Variants in SLC35G1 observed in about 807,000 individuals in gnomAD.
The protein encoded by SLC35G1 is solute carrier family 35 member G1.
In SLC35G1, 10 loss-of-function variants were observed where a neutral mutation model predicts 17.1. The observed-to-expected ratio is 0.59, with a 90% CI of 0.36 to 0.99. SLC35G1 has a LOEUF of 0.99. Among genes scored for constraint, SLC35G1 ranks in the 50% least tolerant of loss-of-function variants. SLC35G1 has a pLI of 0.01. For missense variants in SLC35G1, 433 were observed against 468.4 expected, an observed-to-expected ratio of 0.92 and a Z score of 0.70; for synonymous variants, 185 against 181.1, an observed-to-expected ratio of 1.02 and a Z score of -0.18.
chr10:93,907,082 T>C (rs2060433683), downstream of SLC35G1: 1 of 152,150 alleles, frequency 6.6e-6, no homozygotes, highest in South Asian at 2.1e-4. Flanking sequence ...TAACATATAA[T>C]TACATTATCT....
At position 93,900,668 on chromosome 10, in the gene SLC35G1, T is replaced by A. The variant is rs567734750; in HGVS notation, c.360-84T>A. 4.2e-6 allele frequency: 5 copies of A among 1,190,688 alleles called. No individual in the cohort carries two copies. The South Asian group carries it at 7.5e-5, about 18-fold the overall frequency. The allele number at this position is 1,190,688 out of a possible 1,614,324, so 73.8% of individuals were successfully genotyped here. A position where few individuals can be genotyped will look rare whatever the true frequency, so the allele number is the denominator to read the frequency against. ...CCTCATTTTTTGATATTTAGTACTTTTAAAATAATGTTTAATTACAAATTG... is the reference window on the plus strand; with the variant it reads ...CCTCATTTTTTGATATTTAGTACTTATAAAATAATGTTTAATTACAAATTG... On this transcript the variant is annotated intron_variant, in intron 2 of 2. Transcript: ENST00000427197.
In SLC35G1 at chr10:93,894,076, C is replaced by T. The variant is rs977222951; in HGVS notation, c.43C>T (p.Pro15Ser). 1.3e-6 allele frequency: 2 copies of T among 1,483,660 alleles called. No individual in the cohort carries two copies. The highest frequency in any genetic ancestry group is 3.0e-5 in the East Asian group (1 of 33,788). The allele number at this position is 1,483,660 out of a possible 1,614,324, so 91.9% of individuals were successfully genotyped here. A position where few individuals can be genotyped will look rare whatever the true frequency, so the allele number is the denominator to read the frequency against. ...DSTGVAELQE[P>S]GLPLTDDAPP... ...CACCGGGGTCGCGGAGCTCCAGGAG[C>T]CCGGGCTGCCGCTAACGGACGATGC... Residue 15 changes from proline (P) to serine (S), a missense_variant, in exon 1 of 3, where the codon CCC (proline) becomes TCC (serine). Transcript: ENST00000427197.
At chr10:93,894,276 T>TG in intron 1 of SLC35G1, 65 bp downstream of exon 1, 1 of 1,294,022 alleles carries the variant, frequency 7.7e-7, no homozygotes, top group Non-Finnish European at 9.8e-7. Context: ...GCCGGCGGGT[T>TG]GGGGTCCCCG....
chr10:93,897,342 G>A (rs2060340083), intron 1 of SLC35G1, among the ~76,000 whole-genome samples: 1 of 152,166 alleles, frequency 6.6e-6, no homozygotes, highest in Non-Finnish European at 1.5e-5. Flanking sequence ...ATTTATCAGA[G>A]AAGGGCATTT....
chr10:93,901,781 G>T lies in SLC35G1; in HGVS notation c.*291G>T. On this transcript the variant is annotated 3_prime_UTR_variant, in exon 3 of 3. Coordinates refer to ENST00000427197, the MANE Select transcript of SLC35G1 (RefSeq NM_001134658.3). ...TGAAGAAAAACCAAAACATTTTATG[G>T]CTAGTAATATTTATGTAATTTTTAA... 1 of 230,390 alleles carries T rather than the reference G, an allele frequency of 4.3e-6. No individual in the cohort carries two copies. Among genetic ancestry groups the T allele is most frequent in the Non-Finnish European group, 7.8e-6 (1 of 127,656 alleles). 14.3% of individuals were successfully genotyped at this position (230,390 alleles called of 1,614,324 possible).
downstream of SLC35G1, among the ~76,000 whole-genome samples, chr10:93,905,737 A>G (rs1160071154): frequency 6.6e-6 from 1 of 152,182 alleles, no homozygotes; most frequent in African/African-American, 2.4e-5. Flanking sequence ...CTTCCACTAA[A>G]CTTTCATGAT....
chr10:93,905,552 A>G (rs2060423379), downstream of SLC35G1, among the ~76,000 whole-genome samples: 1 of 152,130 alleles, frequency 6.6e-6, no homozygotes, highest in East Asian at 1.9e-4. Flanking sequence ...CAGCCCATGA[A>G]CCTTGGCACT....
At chr10:93,907,993 G>A (rs1412848545), downstream of SLC35G1, 12 of 152,236 alleles carry the variant, frequency 7.9e-5, no homozygotes, top group East Asian at 1.5e-3. Context: ...TCACCTTACG[G>A]ACTTCCTTTT....
At chr10:93,898,251 G>T (rs1188701772) in intron 1 of SLC35G1, among the ~76,000 whole-genome samples, 1 of 152,186 alleles carries the variant, frequency 6.6e-6, no homozygotes, top group African/African-American at 2.4e-5. Flanking sequence ...CTTGACAAGT[G>T]TTTCTTAAAG....
Position 93,901,426 on chromosome 10 carries a change from C to G in SLC35G1, c.1034C>G (p.Ala345Gly). 1.2e-6 allele frequency: 2 copies of G among 1,613,596 alleles called. No homozygotes were observed. Among genetic ancestry groups the G allele is most frequent in the South Asian group, 1.1e-5 (1 of 90,908 alleles). Residue 345 changes from alanine to glycine, a missense_variant, in exon 3 of 3, where the codon GCT becomes GGT. Physicochemically the swap from Ala to Gly is moderately conservative, Grantham distance 60. Transcript: ENST00000427197. ...CCAACGTGGTGGACAGTGGGTGGTG[C>G]TCTCTGCGTAGTAGCCAGTAATGTT... ...NVPTWWTVGG[A>G]LCVVASNVGA...
rs1359344691 is a variant in SLC35G1 at position 93,903,202 on chromosome 10, A to G, written c.*1712A>G. 2 of 152,178 alleles carry G rather than the reference A, an allele frequency of 1.3e-5. No homozygotes were observed. The highest frequency in any genetic ancestry group is 6.5e-5 in the Admixed American group (1 of 15,276). The allele number at this position is 152,178 out of a possible 1,614,324, so 9.4% of individuals were successfully genotyped here. On this transcript the variant is annotated 3_prime_UTR_variant, in exon 3 of 3. Coordinates refer to ENST00000427197, the MANE Select transcript of SLC35G1 (RefSeq NM_001134658.3). ...ACCTGACAAACCCTAAATGAAGTCT[A>G]TGTAGGTGAGTCATCTCTGTTCCAC...
intron 2 of SLC35G1, 119 bp from the exon 3 acceptor site, chr10:93,900,633 T>G: frequency 1.3e-6 from 1 of 794,444 alleles, no homozygotes; most frequent in Non-Finnish European, 1.9e-6. Flanking sequence ...TTATAATTAA[T>G]TTACTATTCC....
intron 2 of SLC35G1, among the ~76,000 whole-genome samples, chr10:93,899,603 C>T (rs1014945815): frequency 2.6e-5 from 4 of 152,144 alleles, no homozygotes; most frequent in African/African-American, 9.7e-5. Context: ...TCACTTGTCA[C>T]CAAAGTCTCC....
chr10:93,900,710 A>G (rs916018507), intron 2 of SLC35G1, 42 bp from the exon 3 acceptor site: 16 of 1,456,302 alleles, frequency 1.1e-5, no homozygotes, highest in Non-Finnish European at 1.5e-5. Flanking sequence ...AAAAACAAAT[A>G]TTAATTTCAT....
chr10:93,906,315 A>G (rs957454720), downstream of SLC35G1: 1 of 152,232 alleles, frequency 6.6e-6, no homozygotes, highest in Non-Finnish European at 1.5e-5. Context: ...CCATGTGGAG[A>G]GGAACTGAGG....
At chr10:93,897,444 A>G (rs1045151973) in intron 1 of SLC35G1, among the ~76,000 whole-genome samples, 2 of 152,226 alleles carry the variant, frequency 1.3e-5, no homozygotes, top group Admixed American at 6.5e-5. Context: ...AGTTGCTCAT[A>G]TCCACTCACC....
intron 1 of SLC35G1, among the ~76,000 whole-genome samples, chr10:93,895,407 A>G (rs896169759): frequency 2.0e-5 from 3 of 152,216 alleles, no homozygotes; most frequent in African/African-American, 4.8e-5. Context: ...TTTCTCACCT[A>G]TCACCCTCTG....
At chr10:93,900,612 ATTTG>A in intron 2 of SLC35G1, 136 bp from the exon 3 acceptor site, 1 of 715,712 alleles carries the variant, frequency 1.4e-6, no homozygotes, top group Non-Finnish European at 2.1e-6. Context: ...TATAATATTC[ATTTG>A]TGGATATTAT....
chr10:93,902,058 C>G lies in SLC35G1; in HGVS notation c.*568C>G, dbSNP rs2060394169. On this transcript the variant is annotated 3_prime_UTR_variant, in exon 3 of 3. Coordinates refer to ENST00000427197, the MANE Select transcript of SLC35G1 (RefSeq NM_001134658.3). ...GTGTTAATAATACAAATGAATTGGC[C>G]TTATTTTCAAGGATTTTATAAATGA... 6.6e-6 allele frequency: 1 copy of G among 152,454 alleles called. No homozygotes were observed. The highest frequency in any genetic ancestry group is 6.6e-5 in the Admixed American group (1 of 15,258). The allele number at this position is 152,454 out of a possible 1,614,324, so 9.4% of individuals were successfully genotyped here.
Sources: gnomAD v4.1 joint callset for allele counts (sites outside exome capture counted in the v4.1 genomes callset) on GRCh38, gnomAD v4.1.1 for gene constraint, MANE v1.5 for transcripts, NCBI Gene and HGNC (gene_info 2026-07-23, HGNC 2026-07-21) for gene names.